Variants in PDK1 observed in about 807,000 individuals in gnomAD.
The protein encoded by PDK1 is [Pyruvate dehydrogenase (acetyl-transferring)] kinase isozyme 1, mitochondrial.
A neutral mutation model predicts 54.2 loss-of-function variants in PDK1; 39 were observed. The ratio of observed to expected loss-of-function variants is 0.72; its 90% CI spans 0.56 to 0.94. The LOEUF is 0.94. Ranked by LOEUF, PDK1 falls within the 40% of genes least tolerant of loss-of-function variation. The probability of loss-of-function intolerance (pLI) is 0.00; values close to 1 mark genes in which losing one functional copy is unlikely to be tolerated. For synonymous variants in PDK1, 221 were observed against 207.1 expected, an observed-to-expected ratio of 1.07 and a Z score of -0.58; for missense variants, 552 against 566.0, an observed-to-expected ratio of 0.98 and a Z score of 0.25.
downstream of PDK1, among the ~76,000 whole-genome samples, chr2:172,612,602 T>C (rs972177852): frequency 6.6e-6 from 1 of 152,202 alleles, no homozygotes; most frequent in Admixed American, 6.5e-5. Context: ...AATGTACTAA[T>C]AGTTTTTCTG....
the PDK1 span, among the ~76,000 whole-genome samples, chr2:172,690,631 G>A: frequency 6.6e-6 from 1 of 150,376 alleles, no homozygotes; most frequent in Admixed American, 6.8e-5. Flanking sequence ...ACTGGATTAA[G>A]AAAATGTGGC....
the PDK1 span, among the ~76,000 whole-genome samples, chr2:172,625,987 T>TAA: frequency 6.6e-6 from 1 of 152,216 alleles, no homozygotes; most frequent in Admixed American, 6.5e-5. Flanking sequence ...AGGTAGTTAG[T>TAA]CTGCAGCAGG....
At chr2:172,682,385 G>A in the PDK1 span, among the ~76,000 whole-genome samples, 8 of 152,232 alleles carry the variant, frequency 5.3e-5, no homozygotes, top group Admixed American at 2.6e-4. Context: ...GTGGGCAGAC[G>A]AGTGACCTGA....
chr2:172,657,315 C>T, the PDK1 span, among the ~76,000 whole-genome samples: 14 of 151,344 alleles, frequency 9.3e-5, 1 homozygote, highest in East Asian at 3.9e-4. Context: ...CATGAGCCAC[C>T]GTGCCTGGTC....
intron 10 of PDK1, among the ~76,000 whole-genome samples, chr2:172,595,541 GTCATGT>G (rs530521873): frequency 1.3e-3 from 193 of 152,216 alleles, no homozygotes; most frequent in African/African-American, 4.4e-3. Context: ...TCTGATCTGG[GTCATGT>G]TTTGTGTAAA....
the PDK1 span, among the ~76,000 whole-genome samples, chr2:172,661,852 C>T: frequency 1.3e-5 from 2 of 152,254 alleles, no homozygotes; most frequent in South Asian, 4.2e-4. Context: ...CTATAGGGTA[C>T]TATGCTCACC....
chr2:172,588,075 G>A (rs541837288), intron 9 of PDK1, among the ~76,000 whole-genome samples: 12 of 152,350 alleles, frequency 7.9e-5, no homozygotes, highest in African/African-American at 2.9e-4. Context: ...TGCTATGGCT[G>A]CAGCTGTACT....
chr2:172,653,795 G>A, the PDK1 span, among the ~76,000 whole-genome samples: 1 of 152,130 alleles, frequency 6.6e-6, no homozygotes, highest in Admixed American at 6.5e-5. Context: ...AAACTAAAGA[G>A]CTTCTGCACA....
At chr2:172,671,783 G>T in the PDK1 span, among the ~76,000 whole-genome samples, 1 of 152,154 alleles carries the variant, frequency 6.6e-6, no homozygotes, top group South Asian at 2.1e-4. Flanking sequence ...CAATGTTTCT[G>T]TCTTAGAGTA....
At chr2:172,701,675 G>T in the PDK1 span, among the ~76,000 whole-genome samples, 7,177 of 142,762 alleles carry the variant, frequency 0.05, 361 homozygotes, top group African/African-American at 0.13. Context: ...GAACATGAGG[G>T]TTCTATTTCT....
At chr2:172,592,859 A>G (rs900864603) in intron 9 of PDK1, 76 bp from the exon 10 acceptor site, 17 of 759,908 alleles carry the variant, frequency 2.2e-5, no homozygotes, top group Admixed American at 9.3e-5. Flanking sequence ...GTGGTACTCA[A>G]TGGCATCTAT....
the PDK1 span, among the ~76,000 whole-genome samples, chr2:172,646,191 G>A: frequency 6.6e-6 from 1 of 152,162 alleles, no homozygotes; most frequent in Non-Finnish European, 1.5e-5. Context: ...TCTTATATAT[G>A]TCTGTTGAAG....
At chr2:172,673,505 A>G in the PDK1 span, among the ~76,000 whole-genome samples, 2 of 152,086 alleles carry the variant, frequency 1.3e-5, no homozygotes, top group African/African-American at 4.8e-5. Flanking sequence ...ACTAATTATT[A>G]TTTTAGAGAG....
At chr2:172,646,015 T>G in the PDK1 span, among the ~76,000 whole-genome samples, 2 of 152,230 alleles carry the variant, frequency 1.3e-5, no homozygotes, top group East Asian at 1.9e-4. Context: ...TTTATAAACA[T>G]GTACCTTTAA....
intron 8 of PDK1, 46 bp downstream of exon 8, chr2:172,570,870 T>G (rs752233282): frequency 1.9e-6 from 2 of 1,060,188 alleles, no homozygotes; most frequent in Non-Finnish European, 2.9e-6. Context: ...TTTTTGTAAT[T>G]GATGAACAGA....
At chr2:172,636,221 G>T in the PDK1 span, among the ~76,000 whole-genome samples, 1 of 152,198 alleles carries the variant, frequency 6.6e-6, no homozygotes, top group Admixed American at 6.5e-5. Flanking sequence ...AATTTATAAA[G>T]AAAGGGGGTT....
the PDK1 span, among the ~76,000 whole-genome samples, chr2:172,657,304 G>A: frequency 2.0e-5 from 3 of 151,438 alleles, no homozygotes; most frequent in Non-Finnish European, 4.4e-5. Context: ...GGAATTACAG[G>A]CATGAGCCAC....
At chr2:172,564,859 T>C in intron 4 of PDK1, 119 bp from the exon 5 acceptor site, 1 of 874,904 alleles carries the variant, frequency 1.1e-6, no homozygotes, top group Non-Finnish European at 1.8e-6. Context: ...TGTAAAATAC[T>C]ATGTTTATCC....
At chr2:172,668,940 A>G in the PDK1 span, among the ~76,000 whole-genome samples, 7,640 of 107,240 alleles carry the variant, frequency 0.071, 870 homozygotes, top group East Asian at 0.57. Context: ...GAGAGAGAGA[A>G]AGAGAGAGAG....
Sources: gnomAD v4.1 joint callset for allele counts (sites outside exome capture counted in the v4.1 genomes callset) on GRCh38, gnomAD v4.1.1 for gene constraint, MANE v1.5 for transcripts, NCBI Gene and HGNC (gene_info 2026-07-23, HGNC 2026-07-21) for gene names.